MMP3: variants seen among roughly 807,000 people sequenced by gnomAD.
MMP3 encodes the protein matrix metallopeptidase 3.
Under a neutral mutation model 47.3 loss-of-function variants are expected in MMP3, and 46 were observed. The ratio of observed to expected loss-of-function variants is 0.97; its 90% CI spans 0.77 to 1.24. The LOEUF (loss-of-function observed/expected upper bound fraction) is 1.24, where lower values mean the gene tolerates loss of function less well. Ranked by LOEUF, MMP3 falls within the 50% of genes most tolerant of loss-of-function variation. The probability of loss-of-function intolerance (pLI) is 0.00; values close to 1 mark genes in which losing one functional copy is unlikely to be tolerated. For synonymous variants in MMP3, 216 were observed against 206.5 expected, an observed-to-expected ratio of 1.05 and a Z score of -0.39; for missense variants, 558 against 565.5, an observed-to-expected ratio of 0.99 and a Z score of 0.13.
intron 6 of MMP3, 39 bp from the exon 7 acceptor site, chr11:102,839,282 A>G (rs1555005088): frequency 6.2e-7 from 1 of 1,611,014 alleles, no homozygotes; most frequent in Admixed American, 1.7e-5. Flanking sequence ...TTGAAAAACA[A>G]TCTTTCACCT....
At position 102,837,532 on chromosome 11, in the gene MMP3, G is replaced by C; in HGVS notation, c.1230-131C>G. ...CTGCAAATAAATGCCAAGCATATTT[G>C]GGACTATAGAAATATGTGACTTTAA... On this transcript the variant is annotated intron_variant, in intron 8 of 9. Transcript: ENST00000299855. The surrounding 1 kb of genome is among the most constrained non-coding windows in gnomAD (Gnocchi z 4.4). 4 of 670,270 alleles carry C rather than the reference G, an allele frequency of 6.0e-6. No individual in the cohort carries two copies. 41.5% of individuals were successfully genotyped at this position (670,270 alleles called of 1,614,324 possible).
chr11:102,837,379 T>C lies in MMP3; in HGVS notation c.1252A>G (p.Met418Val). 6.2e-7 allele frequency: 1 copy of C among 1,613,814 alleles called. No individual in the cohort carries two copies. Among genetic ancestry groups the C allele is most frequent in the East Asian group, 2.2e-5 (1 of 44,866 alleles). Residue 418 changes from methionine (M) to valine (V), a missense_variant, in exon 9 of 10, where the codon ATG (methionine) becomes GTG (valine). Met to Val is a conservative substitution (Grantham distance 21). Coordinates refer to ENST00000299855, the MANE Select transcript of MMP3 (RefSeq NM_002422.5). This position sits in a 1 kb window ranked among gnomAD's most constrained non-coding sequence, Gnocchi z 4.4. Reference protein sequence around the residue: ...YWRFDEKRNSMEPGFPKQIAE... With the variant: ...YWRFDEKRNSVEPGFPKQIAE... ...ATTTGCTTGGGAAAGCCTGGCTCCA[T>C]GGAATTTCTCTTCTCATCAAATCTG...
At position 102,843,427 on chromosome 11, in the gene MMP3, G is replaced by C; in HGVS notation, c.105+15C>G. The C allele has an allele frequency of 6.3e-7, 1 of 1,598,450 alleles. No individual in the cohort carries two copies. Among genetic ancestry groups the C allele is most frequent in the Non-Finnish European group, 8.6e-7 (1 of 1,166,850 alleles). On this transcript the variant is annotated intron_variant, in intron 1 of 9. Transcript: ENST00000299855. ...GGAAGCTCCCCACCTGGCCAGGTCA[G>C]TTAGTGTTAATTACCTGAACAAGGT...
chr11:102,838,594 C>A lies in MMP3; in HGVS notation c.1186G>T (p.Glu396Ter). 6.2e-7 allele frequency: 1 copy of A among 1,613,652 alleles called. No homozygotes were observed. The highest frequency in any genetic ancestry group is 8.5e-7 in the Non-Finnish European group (1 of 1,179,934). The change falls in exon 8 of 10, where the codon GAA (glutamate) becomes TAA (stop). Residue 396 changes from glutamate (E) to a stop codon, truncating the protein, a stop_gained. Coordinates refer to ENST00000299855, the MANE Select transcript of MMP3 (RefSeq NM_002422.5). LOFTEE classifies it high-confidence loss of function. ...ACAAAGAAATATGTTTTGTTCTTTT[C>A]CTTATCAGAAATGGCTGCATCGATT... ...RKIDAAISDK[E>*]KNKTYFFVED...
At chr11:102,838,877 T>C (rs916025282) in intron 7 of MMP3, among the ~76,000 whole-genome samples, 167 bp from the exon 8 acceptor site, 20 of 152,214 alleles carry the variant, frequency 1.3e-4, no homozygotes, top group Non-Finnish European at 5.9e-5. Context: ...GCAGACTGAA[T>C]GAATGAACTA....
At chr11:102,841,721 A>G (rs1470977737) in intron 4 of MMP3, among the ~76,000 whole-genome samples, 2 of 152,066 alleles carry the variant, frequency 1.3e-5, no homozygotes, top group African/African-American at 4.8e-5. Flanking sequence ...AGAAAAAAAA[A>G]AAAAAGAGAA....
rs1555005272 is a variant in MMP3 at position 102,840,453 on chromosome 11, T to C, written c.766A>G (p.Ile256Val). 6.2e-7 allele frequency: 1 copy of C among 1,614,078 alleles called. No individual in the cohort carries two copies. The highest frequency in any genetic ancestry group is 2.2e-5 in the East Asian group (1 of 44,876). The change falls in exon 5 of 10, where the codon ATA (isoleucine) becomes GTA (valine). Residue 256 changes from isoleucine (I) to valine (V), a missense_variant. Coordinates refer to ENST00000299855, the MANE Select transcript of MMP3 (RefSeq NM_002422.5). ...LTRFRLSQDD[I>V]NGIQSLYGPP... ...CCATAGAGGGACTGAATGCCATTTA[T>C]ATCATCTTGAGACAGGCGGAACCGA...
rs1858892623 is a variant in MMP3 at position 102,836,924 on chromosome 11, TGGA to T, written c.1333+371_1333+373del. Among the ~76,000 whole-genome samples, 1 of 151,624 alleles carries T rather than the reference TGGA, an allele frequency of 6.6e-6. No individual in the cohort carries two copies. The highest frequency in any genetic ancestry group is 2.4e-5 in the African/African-American group (1 of 41,214). ...AATTAGTAGCAGCAATAAGATAGGG[TGGA>T]GGAGAAGGCCAGCTAACCAACATTA... On this transcript the variant is annotated intron_variant, in intron 9 of 9. Transcript: ENST00000299855. The surrounding 1 kb of genome is among the most constrained non-coding windows in gnomAD (Gnocchi z 4.6).
In MMP3 at chr11:102,836,186, A is replaced by T. The variant is rs782178682; in HGVS notation, c.1374T>A (p.Phe458Leu). The change falls in exon 10 of 10, where the codon TTT (phenylalanine) becomes TTA (leucine). Residue 458 changes from phenylalanine (F) to leucine (L), a missense_variant. Physicochemically the swap from Phe to Leu is conservative, Grantham distance 22 (BLOSUM62 0). Transcript: ENST00000299855. The surrounding 1 kb of genome is among the most constrained non-coding windows in gnomAD (Gnocchi z 4.6). ...YFFTGSSQLE[F>L]DPNAKKVTHT... ...GTGTCACTTTCTTTGCATTTGGGTC[A>T]AACTCCAACTGTGAAGATCCAGTAA... 2 of 1,614,048 alleles carry T rather than the reference A, an allele frequency of 1.2e-6. No individual in the cohort carries two copies. The highest frequency in any genetic ancestry group is 4.5e-5 in the East Asian group (2 of 44,876).
chr11:102,836,051 C>T lies in MMP3; in HGVS notation c.*75G>A. On this transcript the variant is annotated 3_prime_UTR_variant, in exon 10 of 10. Transcript: ENST00000299855. This position sits in a 1 kb window ranked among gnomAD's most constrained non-coding sequence, Gnocchi z 4.6. ...CACAGGCAGGAGAAAACGAACATTT[C>T]AATTCACAGAGACTTAGGTGAAGAA... 1.8e-6 allele frequency: 2 copies of T among 1,140,990 alleles called. No homozygotes were observed. The highest frequency in any genetic ancestry group is 2.6e-6 in the Non-Finnish European group (2 of 764,314). 70.7% of individuals were successfully genotyped at this position (1,140,990 alleles called of 1,614,324 possible).
Position 102,837,234 on chromosome 11 carries a change from C to G in MMP3, c.1333+64G>C. ...GTTATTAAAAAGTTTCAATGCTCCT[C>G]TTCCCTCTGATATCATAAAATGTTT... On this transcript the variant is annotated intron_variant, in intron 9 of 9. Transcript: ENST00000299855. This position sits in a 1 kb window ranked among gnomAD's most constrained non-coding sequence, Gnocchi z 4.4. 2 of 1,289,338 alleles carry G rather than the reference C, an allele frequency of 1.6e-6. No individual in the cohort carries two copies. The highest frequency in any genetic ancestry group is 2.2e-6 in the Non-Finnish European group (2 of 895,520). 79.9% of individuals were successfully genotyped at this position (1,289,338 alleles called of 1,614,324 possible).
Position 102,836,778 on chromosome 11 carries a change from T to C in MMP3, c.1333+520A>G, listed in dbSNP as rs782397325. ...TCAGCCTCCACTTCCTTACCTTGAG[T>C]AGAAAACAAAATCTTTTTTTTTTTT... is the stretch of plus-strand genomic sequence containing the variant. On this transcript the variant is annotated intron_variant, in intron 9 of 9. Transcript: ENST00000299855. The surrounding 1 kb of genome is among the most constrained non-coding windows in gnomAD (Gnocchi z 4.6). 1 of 222,382 alleles carries C rather than the reference T, an allele frequency of 4.5e-6. No homozygotes were observed. The highest frequency in any genetic ancestry group is 9.1e-6 in the Non-Finnish European group (1 of 109,866). The allele number at this position is 222,382 out of a possible 1,614,324, so 13.8% of individuals were successfully genotyped here.
intron 6 of MMP3, among the ~76,000 whole-genome samples, chr11:102,839,591 A>G (rs1858956496): frequency 1.3e-5 from 2 of 152,320 alleles, no homozygotes; most frequent in Non-Finnish European, 2.9e-5. Context: ...GTATACGTGT[A>G]TGTGCTGTGT....
chr11:102,838,813 A>T, intron 7 of MMP3, 103 bp from the exon 8 acceptor site: 1 of 1,346,960 alleles, frequency 7.4e-7, no homozygotes, highest in Non-Finnish European at 1.0e-6. Context: ...GTAAAGTAGT[A>T]GCCCAAATTT....
rs972094328 is a variant in MMP3 at position 102,837,282 on chromosome 11, G to C, written c.1333+16C>G. 1.3e-6 allele frequency: 2 copies of C among 1,588,906 alleles called. No homozygotes were observed. The highest frequency in any genetic ancestry group is 1.7e-5 in the Admixed American group (1 of 59,948). On this transcript the variant is annotated intron_variant, in intron 9 of 9. Coordinates refer to ENST00000299855, the MANE Select transcript of MMP3 (RefSeq NM_002422.5). This position sits in a 1 kb window ranked among gnomAD's most constrained non-coding sequence, Gnocchi z 4.4. ...TTTCAAGTGCTCTATGGCCAACACA[G>C]TAAGTATCCTCTTACCAAATTCTTC...
Position 102,843,608 on chromosome 11 carries a change from G to C in MMP3, c.-62C>G, listed in dbSNP as rs1859051745. The stretch of plus-strand genomic sequence containing the variant: ...GCCTTGCTGTCTTGCCTGCCTCCTT[G>C]TAGGTCCAACCTCGGGAGCGCAGCT... On this transcript the variant is annotated 5_prime_UTR_variant, in exon 1 of 10. Transcript: ENST00000299855. 7.5e-7 allele frequency: 1 copy of C among 1,334,920 alleles called. No homozygotes were observed. The highest frequency in any genetic ancestry group is 1.1e-6 in the Non-Finnish European group (1 of 940,620). 82.7% of individuals were successfully genotyped at this position (1,334,920 alleles called of 1,614,324 possible).
Position 102,837,521 on chromosome 11 carries a change from C to T in MMP3, c.1230-120G>A. The T allele has an allele frequency of 1.4e-6, 1 of 709,106 alleles. No homozygotes were observed. The highest frequency in any genetic ancestry group is 1.8e-5 in the South Asian group (1 of 54,348). The allele number at this position is 709,106 out of a possible 1,614,324, so 43.9% of individuals were successfully genotyped here. On this transcript the variant is annotated intron_variant, in intron 8 of 9. Coordinates refer to ENST00000299855, the MANE Select transcript of MMP3 (RefSeq NM_002422.5). The surrounding 1 kb of genome is among the most constrained non-coding windows in gnomAD (Gnocchi z 4.4). Reference sequence around the variant, plus strand: ...CTTTATAAATACTGCAAATAAATGCCAAGCATATTTGGGACTATAGAAATA... The same window carrying T: ...CTTTATAAATACTGCAAATAAATGCTAAGCATATTTGGGACTATAGAAATA...
Position 102,836,434 on chromosome 11 carries a change from A to G in MMP3, c.1334-208T>C. ...TGAGGTTGTATGTCTAACTCCATTT[A>G]CAGATTGAGCAAGTTGAGGTTGAGA... On this transcript the variant is annotated intron_variant, in intron 9 of 9. Transcript: ENST00000299855. This position sits in a 1 kb window ranked among gnomAD's most constrained non-coding sequence, Gnocchi z 4.6. 1.6e-6 allele frequency: 1 copy of G among 632,940 alleles called. No individual in the cohort carries two copies. The highest frequency in any genetic ancestry group is 3.0e-6 in the Non-Finnish European group (1 of 332,088). The allele number at this position is 632,940 out of a possible 1,614,324, so 39.2% of individuals were successfully genotyped here.
chr11:102,842,098 A>G lies in MMP3; in HGVS notation c.625+56T>C, dbSNP rs1239933621. ...CTTGAGCATTCTTGGTTATTAACAG[A>G]TTTCTACATATAAAAAAATTAATGC... is the stretch of plus-strand genomic sequence containing the variant. On this transcript the variant is annotated intron_variant, in intron 4 of 9. Transcript: ENST00000299855. The G allele has an allele frequency of 1.6e-5, 23 of 1,467,168 alleles. No homozygotes were observed. In the South Asian group the frequency reaches 3.5e-4, roughly 22 times the overall value. The allele number at this position is 1,467,168 out of a possible 1,614,324, so 90.9% of individuals were successfully genotyped here.
Sources: allele counts gnomAD v4.1 joint callset (sites outside exome capture counted in the v4.1 genomes callset), GRCh38; gene constraint gnomAD v4.1.1; non-coding constraint Gnocchi (gnomAD v3.1); transcripts MANE v1.5; gene names NCBI Gene and HGNC (gene_info 2026-07-23, HGNC 2026-07-21).